ATG13: variants seen among roughly 807,000 people sequenced by gnomAD.
ATG13 encodes the protein autophagy related 13, also known as autophagy-related protein 13.
ATG13 carries 23 observed loss-of-function variants against 65.5 expected under a neutral mutation model. That is an observed-to-expected ratio of 0.35 (90% CI 0.25 to 0.50). The LOEUF (loss-of-function observed/expected upper bound fraction) is 0.50, where lower values mean the gene tolerates loss of function less well. ATG13 is among the 20% of genes least tolerant of loss of function. The pLI is 0.98. For missense variants in ATG13, 566 were observed against 677.0 expected, an observed-to-expected ratio of 0.84 and a Z score of 1.82; for synonymous variants, 252 against 245.2, an observed-to-expected ratio of 1.03 and a Z score of -0.26.
intron 2 of ATG13, among the ~76,000 whole-genome samples, chr11:46,633,236 G>T (rs989583154): frequency 1.3e-5 from 2 of 150,546 alleles, no homozygotes; most frequent in African/African-American, 2.4e-5. Flanking sequence ...ATGTTGGTCA[G>T]GCTGGTCTAG....
chr11:46,627,037 C>G (rs989833795), intron 1 of ATG13, among the ~76,000 whole-genome samples: 2 of 152,036 alleles, frequency 1.3e-5, no homozygotes, highest in East Asian at 1.9e-4. Flanking sequence ...GCCAGGAGTT[C>G]GAGACCAGCC....
intron 16 of ATG13, 54 bp downstream of exon 16, chr11:46,668,630 C>T: frequency 6.3e-7 from 1 of 1,577,598 alleles, no homozygotes. Flanking sequence ...AGTCATTGTT[C>T]TTCCTGAGCC....
At chr11:46,646,048 G>A (rs1281125844) in intron 5 of ATG13, 59 bp downstream of exon 5, 22 of 1,599,978 alleles carry the variant, frequency 1.4e-5, no homozygotes, top group Non-Finnish European at 1.7e-5. Context: ...CACACTCTGA[G>A]TCCAGTTCAT....
chr11:46,622,111 A>T (rs1283412893), intron 1 of ATG13, among the ~76,000 whole-genome samples: 4 of 77,230 alleles, frequency 5.2e-5, no homozygotes, highest in Non-Finnish European at 7.6e-5. Context: ...ATATATATAT[A>T]TATATATATA....
Position 46,672,415 on chromosome 11 carries a change from C to A in ATG13, c.*83C>A. On this transcript the variant is annotated 3_prime_UTR_variant, in exon 19 of 19. Coordinates refer to ENST00000683050, the MANE Select transcript of ATG13 (RefSeq NM_001346311.2). ...TCCCATGCATCAGCTGCTCCCACCC[C>A]TCATCCTGCTCTGAGCCAGGTGGAA... The A allele has an allele frequency of 6.2e-7, 1 of 1,607,474 alleles. No homozygotes were observed. The highest frequency in any genetic ancestry group is 1.1e-5 in the South Asian group (1 of 90,300).
chr11:46,626,706 A>G (rs2049790369), intron 1 of ATG13, among the ~76,000 whole-genome samples: 1 of 152,202 alleles, frequency 6.6e-6, no homozygotes, highest in Non-Finnish European at 1.5e-5. Flanking sequence ...TCACCCAGAA[A>G]TTTTAGCATT....
intron 5 of ATG13, among the ~76,000 whole-genome samples, chr11:46,647,982 A>G (rs919879273): frequency 3.3e-5 from 5 of 152,308 alleles, no homozygotes; most frequent in South Asian, 2.1e-4. Flanking sequence ...TACTGTTTCA[A>G]TGTATTTTCA....
chr11:46,644,049 T>A (rs2056886414), intron 2 of ATG13, among the ~76,000 whole-genome samples: 1 of 152,196 alleles, frequency 6.6e-6, no homozygotes, highest in Non-Finnish European at 1.5e-5. Flanking sequence ...GGTAAAATGT[T>A]CTCATTCATT....
chr11:46,625,979 T>C (rs2049437850), intron 1 of ATG13, among the ~76,000 whole-genome samples: 1 of 152,096 alleles, frequency 6.6e-6, no homozygotes, highest in Non-Finnish European at 1.5e-5. Context: ...TGTTTGTTTT[T>C]GAGACGGAGT....
At chr11:46,633,026 ATTT>A (rs746504456) in intron 2 of ATG13, among the ~76,000 whole-genome samples, 191 of 90,696 alleles carry the variant, frequency 2.1e-3, no homozygotes, top group South Asian at 3.7e-3. Context: ...ATATATATAT[ATTT>A]TTTTTTTTTT....
intron 2 of ATG13, among the ~76,000 whole-genome samples, chr11:46,638,922 C>T (rs376141903): frequency 6.6e-6 from 1 of 152,130 alleles, no homozygotes; most frequent in Non-Finnish European, 1.5e-5. Flanking sequence ...ATTCTCCCAC[C>T]TCAGCCTTCC....
rs569701040 is a variant in ATG13 at position 46,665,635 on chromosome 11, G to A, written c.1136+116G>A. The A allele has an allele frequency of 4.4e-6, 6 of 1,369,940 alleles. No individual in the cohort carries two copies. In the Admixed American group the frequency reaches 9.6e-5, roughly 22 times the overall value. 84.9% of individuals were successfully genotyped at this position (1,369,940 alleles called of 1,614,324 possible). On this transcript the variant is annotated intron_variant, in intron 14 of 18. Coordinates refer to ENST00000683050, the MANE Select transcript of ATG13 (RefSeq NM_001346311.2). ...AACTTTCAGCATTGGCTGGGACATG[G>A]CATTTGAGCCCAAAGCATGGACTCC...
chr11:46,661,287 G>C (rs1248301760), intron 11 of ATG13, among the ~76,000 whole-genome samples: 1 of 152,134 alleles, frequency 6.6e-6, no homozygotes, highest in East Asian at 1.9e-4. Flanking sequence ...GGAGGCCAGG[G>C]CAGGCAAATC....
intron 2 of ATG13, among the ~76,000 whole-genome samples, chr11:46,633,560 T>G (rs1393894819): frequency 6.6e-6 from 1 of 152,038 alleles, no homozygotes; most frequent in Non-Finnish European, 1.5e-5. Flanking sequence ...TTGGTCAGGC[T>G]GGTCTTGAAT....
intron 1 of ATG13, among the ~76,000 whole-genome samples, chr11:46,620,689 C>T (rs1045356653): frequency 4.6e-5 from 7 of 151,948 alleles, no homozygotes; most frequent in African/African-American, 1.4e-4. Flanking sequence ...ACAAGAGAAT[C>T]GCTTGAACTG....
At chr11:46,668,618 C>T (rs1490106936) in intron 16 of ATG13, 42 bp downstream of exon 16, 1 of 1,587,862 alleles carries the variant, frequency 6.3e-7, no homozygotes, top group Admixed American at 1.7e-5. Context: ...AGATGGTGCG[C>T]TAGTCATTGT....
In ATG13 at chr11:46,617,638, C is replaced by G. The variant is rs916498550; in HGVS notation, c.-322C>G. ...CTGCTGGGCTTAAGGCGGGAGTGAC[C>G]GCTTAACCAGTGAGGGAAGCACTGA... On this transcript the variant is annotated 5_prime_UTR_variant, in exon 1 of 19. Coordinates refer to ENST00000683050, the MANE Select transcript of ATG13 (RefSeq NM_001346311.2). 3 of 365,132 alleles carry G rather than the reference C, an allele frequency of 8.2e-6. No individual in the cohort carries two copies. The highest frequency in any genetic ancestry group is 1.5e-5 in the Non-Finnish European group (3 of 206,658). 22.6% of individuals were successfully genotyped at this position (365,132 alleles called of 1,614,324 possible). A position where few individuals can be genotyped will look rare whatever the true frequency, so the allele number is the denominator to read the frequency against.
chr11:46,666,395 A>G (rs1396002896), intron 14 of ATG13, among the ~76,000 whole-genome samples: 1 of 152,206 alleles, frequency 6.6e-6, no homozygotes, highest in Non-Finnish European at 1.5e-5. Flanking sequence ...TGTCTGTGTT[A>G]TAGTTGGGAT....
chr11:46,672,565 A>T lies in ATG13; in HGVS notation c.*233A>T. The T allele has an allele frequency of 7.0e-7, 1 of 1,435,208 alleles. No individual in the cohort carries two copies. Among genetic ancestry groups the T allele is most frequent in the Non-Finnish European group, 9.2e-7 (1 of 1,089,586 alleles). 88.9% of individuals were successfully genotyped at this position (1,435,208 alleles called of 1,614,324 possible). A position where few individuals can be genotyped will look rare whatever the true frequency, so the allele number is the denominator to read the frequency against. The stretch of plus-strand genomic sequence containing the variant: ...CTCACGTGCTGGCCTTGGAGATGGG[A>T]AGAACCTTCGTACGAAAAAGCCCTC... On this transcript the variant is annotated 3_prime_UTR_variant, in exon 19 of 19. Coordinates refer to ENST00000683050, the MANE Select transcript of ATG13 (RefSeq NM_001346311.2).
Sources: allele counts gnomAD v4.1 joint callset (sites outside exome capture counted in the v4.1 genomes callset), GRCh38; gene constraint gnomAD v4.1.1; transcripts MANE v1.5; gene names NCBI Gene and HGNC (gene_info 2026-07-23, HGNC 2026-07-21).